KIAA1217: variants seen among roughly 807,000 people sequenced by gnomAD.
KIAA1217 encodes sickle tail protein homolog.
In KIAA1217, 88 loss-of-function variants were observed where a neutral mutation model predicts 163.9. The observed-to-expected ratio is 0.54, with a 90% CI of 0.45 to 0.64. The LOEUF (loss-of-function observed/expected upper bound fraction) is 0.64. KIAA1217 is among the 30% of genes least tolerant of loss of function. The pLI is 0.00. For missense variants in KIAA1217, 2,372 were observed against 2,475.0 expected (o/e 0.96, Z 0.88); for synonymous variants, 903 against 923.1 (o/e 0.98, Z 0.39).
chr10:23,737,206 CAT>C lies in KIAA1217; in HGVS notation c.-321+41975_-321+41976del, dbSNP rs1253827010. 2.6e-5 allele frequency among the ~76,000 whole-genome samples: 4 copies of C among 151,686 alleles called. No homozygotes were observed. The East Asian group carries it at 7.8e-4, about 29-fold the overall frequency. ...TTAAATTCTACCAGACTTACATTAA[CAT>C]ATTTTTTTTTGAGACGGAGTCTCGC... On this transcript the variant is annotated intron_variant, in intron 1 of 18. Coordinates refer to the KIAA1217 transcript ENST00000376462.
intron 2 of KIAA1217, among the ~76,000 whole-genome samples, chr10:24,244,561 C>CTTTTTTTTTT (rs11318420): frequency 2.3e-5 from 2 of 85,310 alleles, no homozygotes; most frequent in Non-Finnish European, 4.7e-5. Flanking sequence ...TTCTTTCTTT[C>CTTTTTTTTTT]TTTTTTTTTT....
At chr10:23,723,796 T>G (rs561502060) in intron 1 of KIAA1217, among the ~76,000 whole-genome samples, 1 of 152,260 alleles carries the variant, frequency 6.6e-6, no homozygotes, top group East Asian at 1.9e-4. Context: ...ATGTTAAAAT[T>G]CATATGTGAC....
intron 1 of KIAA1217, among the ~76,000 whole-genome samples, chr10:23,812,647 A>G (rs1837124639): frequency 6.6e-6 from 1 of 152,130 alleles, no homozygotes; most frequent in South Asian, 2.1e-4. Flanking sequence ...TCATCACCCC[A>G]AAGAGAAACC....
intron 2 of KIAA1217, among the ~76,000 whole-genome samples, chr10:24,163,194 C>T (rs912853591): frequency 2.6e-5 from 4 of 152,160 alleles, no homozygotes; most frequent in Admixed American, 2.0e-4. Flanking sequence ...TATCAGGTAA[C>T]ACTTTTTAGA....
chr10:23,924,651 C>T (rs34173421), intron 1 of KIAA1217, among the ~76,000 whole-genome samples: 1 of 152,116 alleles, frequency 6.6e-6, no homozygotes, highest in Admixed American at 6.6e-5. Context: ...TTGCTTCCTG[C>T]CTCCAAATTT....
chr10:23,878,625 G>A (rs1377590734), intron 1 of KIAA1217, among the ~76,000 whole-genome samples: 31 of 151,946 alleles, frequency 2.0e-4, no homozygotes, highest in Admixed American at 2.0e-3. Context: ...GATAAGACAT[G>A]CAGTGATGAG....
At chr10:24,070,432 C>T (rs546280826) in intron 2 of KIAA1217, among the ~76,000 whole-genome samples, 31 of 152,120 alleles carry the variant, frequency 2.0e-4, no homozygotes, top group Non-Finnish European at 4.0e-4. Flanking sequence ...TATGTCTATA[C>T]GTAGGTTTAT....
At chr10:24,391,333 C>CTTTTTTTTTTT (rs768727392) in intron 3 of KIAA1217, among the ~76,000 whole-genome samples, 12 of 29,890 alleles carry the variant, frequency 4.0e-4, no homozygotes, top group African/African-American at 7.7e-4. Context: ...TTCTTTCTTT[C>CTTTTTTTTTTT]TTTTTTTTTT....
At chr10:24,120,858 T>A (rs1261014207) in intron 2 of KIAA1217, among the ~76,000 whole-genome samples, 1 of 152,202 alleles carries the variant, frequency 6.6e-6, no homozygotes, top group African/African-American at 2.4e-5. Flanking sequence ...AACTGCCACA[T>A]CCTGTGGTAC....
chr10:24,431,032 G>T (rs534727301), intron 3 of KIAA1217, among the ~76,000 whole-genome samples: 1 of 152,120 alleles, frequency 6.6e-6, no homozygotes, highest in South Asian at 2.1e-4. Context: ...AGTTTCCCTG[G>T]CTCTGCCTGT....
At chr10:23,864,143 C>T (rs1840075878) in intron 1 of KIAA1217, among the ~76,000 whole-genome samples, 1 of 151,544 alleles carries the variant, frequency 6.6e-6, no homozygotes, top group Non-Finnish European at 1.5e-5. Flanking sequence ...AGAGGAATTA[C>T]ATAAAAGGTC....
At chr10:24,058,180 C>T (rs1377111957) in intron 2 of KIAA1217, among the ~76,000 whole-genome samples, 1 of 152,042 alleles carries the variant, frequency 6.6e-6, no homozygotes, top group Non-Finnish European at 1.5e-5. Flanking sequence ...ACCTTAGTAC[C>T]TTTGTTGAAG....
intron 1 of KIAA1217, among the ~76,000 whole-genome samples, chr10:23,807,466 G>T (rs971933223): frequency 2.6e-5 from 4 of 152,246 alleles, no homozygotes; most frequent in Non-Finnish European, 5.9e-5. Context: ...CTGTAGTGTG[G>T]AGTGGGGGGA....
intron 1 of KIAA1217, among the ~76,000 whole-genome samples, chr10:23,792,028 T>C (rs1195745931): frequency 2.0e-5 from 3 of 152,224 alleles, no homozygotes; most frequent in Non-Finnish European, 4.4e-5. Flanking sequence ...AATACTGATA[T>C]CTATGGAAAG....
chr10:24,331,021 G>C (rs922275044), intron 2 of KIAA1217, among the ~76,000 whole-genome samples: 1 of 151,622 alleles, frequency 6.6e-6, no homozygotes, highest in African/African-American at 2.4e-5. Context: ...ACAGCTCACT[G>C]CAGCCTTGAA....
chr10:24,233,574 C>A (rs1375462306), intron 2 of KIAA1217, among the ~76,000 whole-genome samples: 1 of 152,096 alleles, frequency 6.6e-6, no homozygotes, highest in Non-Finnish European at 1.5e-5. Flanking sequence ...ATTGAATTTG[C>A]AAGTAGTTGA....
At chr10:24,237,800 A>G (rs2072490222) in intron 2 of KIAA1217, among the ~76,000 whole-genome samples, 1 of 152,218 alleles carries the variant, frequency 6.6e-6, no homozygotes. Context: ...TGAATCTCTG[A>G]CAATAGTCTT....
intron 2 of KIAA1217, among the ~76,000 whole-genome samples, chr10:24,291,818 G>A (rs2079118024): frequency 1.3e-5 from 2 of 151,976 alleles, no homozygotes; most frequent in Non-Finnish European, 2.9e-5. Flanking sequence ...TAGATCAATA[G>A]CTATTATTTA....
intron 13 of KIAA1217, among the ~76,000 whole-genome samples, chr10:24,527,718 A>G (rs2072417245): frequency 6.6e-6 from 1 of 152,038 alleles, no homozygotes; most frequent in South Asian, 2.1e-4. Context: ...TCTTTTTTAA[A>G]GTTCAGGGGT....
Sources: gnomAD v4.1 joint callset for allele counts (sites outside exome capture counted in the v4.1 genomes callset) on GRCh38, gnomAD v4.1.1 for gene constraint, MANE v1.5 for transcripts, NCBI Gene and HGNC (gene_info 2026-07-23, HGNC 2026-07-21) for gene names.